The following UNC79 variants were observed in gnomAD, a reference collection of about 807,000 sequenced individuals.
UNC79 encodes the protein unc-79 subunit of NALCN channel complex.
In UNC79, 37 loss-of-function variants were observed where a neutral mutation model predicts 283.1. The ratio of observed to expected loss-of-function variants is 0.13; its 90% CI spans 0.10 to 0.17. The LOEUF (loss-of-function observed/expected upper bound fraction) is 0.17. Ranked by LOEUF, UNC79 falls within the 10% of genes least tolerant of loss-of-function variation. The pLI, the probability that UNC79 is intolerant of heterozygous loss-of-function variation, is 1.00. For missense variants in UNC79, 2,272 were observed against 3,211.1 expected (o/e 0.71, Z 7.07); for synonymous variants, 1,107 against 1,200.2 (o/e 0.92, Z 1.61).
rs186621057 is a variant in UNC79, at chr14:93,641,017, A to G, written c.5801-128A>G. 571 of 658,716 alleles carry G rather than the reference A, an allele frequency of 8.7e-4. 6 individuals carry two copies. The highest frequency in any genetic ancestry group is 5.4e-5 in the Non-Finnish European group (21 of 389,312). The allele number at this position is 658,716 out of a possible 1,614,324, so 40.8% of individuals were successfully genotyped here. Reference sequence around the variant, plus strand: ...CATGATTGAGGGCTTTCTGCAGTACAGTTGGGATGTCCAAGTTGTATTCCT... The same window carrying G: ...CATGATTGAGGGCTTTCTGCAGTACGGTTGGGATGTCCAAGTTGTATTCCT... On this transcript the variant is annotated intron_variant, in intron 32 of 48. Coordinates refer to ENST00000555664, the Ensembl canonical transcript of UNC79.
At chr14:93,475,623 C>T (rs1455277192) in intron 3 of UNC79, among the ~76,000 whole-genome samples, 1 of 152,148 alleles carries the variant, frequency 6.6e-6, no homozygotes, top group Admixed American at 6.6e-5. Context: ...GGATTCTTAA[C>T]ATAAGACTGC....
At chr14:93,560,723 AG>A (rs1219548062) in intron 14 of UNC79, among the ~76,000 whole-genome samples, 1 of 152,194 alleles carries the variant, frequency 6.6e-6, no homozygotes, top group African/African-American at 2.4e-5. Context: ...AGCCACATGT[AG>A]GTAGAGGATC....
At chr14:93,566,401 G>A (rs1361168062) in intron 14 of UNC79, among the ~76,000 whole-genome samples, 1 of 152,146 alleles carries the variant, frequency 6.6e-6, no homozygotes, top group Non-Finnish European at 1.5e-5. Context: ...GTTTTATTAG[G>A]CAAAGAGCGG....
chr14:93,606,828 C>T (rs2065921320), intron 26 of UNC79, among the ~76,000 whole-genome samples: 1 of 152,200 alleles, frequency 6.6e-6, no homozygotes, highest in Non-Finnish European at 1.5e-5. Context: ...TCACATTTCT[C>T]TATGACTTTT....
chr14:93,490,972 G>C (rs934999104), intron 5 of UNC79, among the ~76,000 whole-genome samples: 1 of 152,144 alleles, frequency 6.6e-6, no homozygotes, highest in Non-Finnish European at 1.5e-5. Context: ...TCTATAAACT[G>C]GATGACTTAT....
At chr14:93,611,371 T>C (rs944701700) in intron 26 of UNC79, among the ~76,000 whole-genome samples, 1 of 152,162 alleles carries the variant, frequency 6.6e-6, no homozygotes, top group Non-Finnish European at 1.5e-5. Context: ...CTGTCAACTA[T>C]CCCTTCTCAG....
chr14:93,334,769 G>A (rs3759715), intron 1 of UNC79: 11,955 of 152,298 alleles, frequency 0.078, 1,005 homozygotes, highest in African/African-American at 0.21. Context: ...TCCACAGGAC[G>A]GACAGGCAGA....
intron 5 of UNC79, among the ~76,000 whole-genome samples, chr14:93,489,164 C>G (rs2058603371): frequency 6.6e-6 from 1 of 152,146 alleles, no homozygotes; most frequent in Non-Finnish European, 1.5e-5. Flanking sequence ...GCCTCAAACT[C>G]CAGACCTCAG....
chr14:93,517,123 T>A (rs1244111479), intron 7 of UNC79, among the ~76,000 whole-genome samples: 1 of 145,858 alleles, frequency 6.9e-6, no homozygotes, highest in Admixed American at 6.7e-5. Flanking sequence ...TGCAAATAAT[T>A]TTTTTTCTTT....
chr14:93,549,805 G>GT (rs2061780253), intron 14 of UNC79, among the ~76,000 whole-genome samples: 1 of 152,222 alleles, frequency 6.6e-6, no homozygotes, highest in African/African-American at 2.4e-5. Flanking sequence ...CCAAAAGTCA[G>GT]TGATTGGCAC....
intron 3 of UNC79, among the ~76,000 whole-genome samples, chr14:93,476,935 C>T (rs929889727): frequency 6.6e-6 from 1 of 152,176 alleles, no homozygotes; most frequent in Non-Finnish European, 1.5e-5. Context: ...TTAAAACCTC[C>T]TAACAATCCT....
rs1254620372 is a variant in UNC79, at chr14:93,688,148, A to T, written c.6910-517A>T. On this transcript the variant is annotated intron_variant, in intron 43 of 48. Coordinates refer to ENST00000555664, the Ensembl canonical transcript of UNC79. This position sits in a 1 kb window ranked among gnomAD's most constrained non-coding sequence, Gnocchi z 4.0. The stretch of plus-strand genomic sequence containing the variant: ...GGCATTGGGGATGCTGTGATGAGCA[A>T]AAGCGGACACAGTAGCTGCTCTCAT... Among the ~76,000 whole-genome samples, 1 of 152,226 alleles carries T rather than the reference A, an allele frequency of 6.6e-6. No individual in the cohort carries two copies. Among genetic ancestry groups the T allele is most frequent in the Non-Finnish European group, 1.5e-5 (1 of 68,036 alleles).
At chr14:93,500,247 G>A (rs764815803) in intron 7 of UNC79, among the ~76,000 whole-genome samples, 3 of 152,130 alleles carry the variant, frequency 2.0e-5, no homozygotes, top group Non-Finnish European at 4.4e-5. Context: ...TACAACCAGA[G>A]CAACTTTCAT....
At chr14:93,414,159 A>G (rs999997316) in intron 1 of UNC79, among the ~76,000 whole-genome samples, 1 of 151,502 alleles carries the variant, frequency 6.6e-6, no homozygotes, top group Admixed American at 6.6e-5. Context: ...TTATGGTTTT[A>G]GGTCTAACGT....
At chr14:93,679,837 C>T (rs8009465) in intron 41 of UNC79, among the ~76,000 whole-genome samples, 93,567 of 152,066 alleles carry the variant, frequency 0.62, 29,223 homozygotes, top group Admixed American at 0.67. Context: ...GTACAGAACT[C>T]TTCCTTCGAC....
chr14:93,342,980 A>G (rs531479969), intron 1 of UNC79, among the ~76,000 whole-genome samples: 1 of 152,080 alleles, frequency 6.6e-6, no homozygotes, highest in South Asian at 2.1e-4. Context: ...GCATGGTATC[A>G]TATATCATAC....
intron 26 of UNC79, among the ~76,000 whole-genome samples, chr14:93,610,581 T>C (rs1159776095): frequency 3.3e-5 from 5 of 152,138 alleles, no homozygotes; most frequent in African/African-American, 1.2e-4. Context: ...AAAACAAATC[T>C]AGAGTAAATA....
intron 33 of UNC79, among the ~76,000 whole-genome samples, chr14:93,641,724 C>T (rs575899626): frequency 2.0e-5 from 3 of 152,296 alleles, no homozygotes; most frequent in Admixed American, 6.5e-5. Context: ...AGGAAGCCTT[C>T]TTGGTAAAAG....
At chr14:93,404,493 A>AAAATATATATATATATATAT in intron 1 of UNC79, among the ~76,000 whole-genome samples, 3 of 61,504 alleles carry the variant, frequency 4.9e-5, no homozygotes, top group African/African-American at 6.7e-5. Flanking sequence ...TTCTAAAAAA[A>AAAATATATATATATATATAT]ATATATATAT....
Sources: gnomAD v4.1 joint callset for allele counts (sites outside exome capture counted in the v4.1 genomes callset) on GRCh38, gnomAD v4.1.1 for gene constraint, Gnocchi (gnomAD v3.1) non-coding constraint, MANE v1.5 for transcripts, NCBI Gene and HGNC (gene_info 2026-07-23, HGNC 2026-07-21) for gene names.